The following MED12L variants were observed in gnomAD, a reference collection of about 807,000 sequenced individuals.
MED12L encodes mediator complex subunit 12L, also known as mediator of RNA polymerase II transcription subunit 12-like protein.
Under a neutral mutation model 281.3 loss-of-function variants are expected in MED12L, and 60 were observed. The observed-to-expected ratio is 0.21, with a 90% CI of 0.17 to 0.26. The LOEUF (loss-of-function observed/expected upper bound fraction) is 0.26, where lower values mean the gene tolerates loss of function less well. Among genes scored for constraint, MED12L ranks in the 10% least tolerant of loss-of-function variants. The pLI, the probability that MED12L is intolerant of heterozygous loss-of-function variation, is 1.00. For synonymous variants in MED12L, 974 were observed against 987.2 expected (o/e 0.99, Z 0.25); for missense variants, 2,146 against 2,680.9 (o/e 0.80, Z 4.41).
At chr3:151,127,681 A>G (rs530068432) in intron 4 of MED12L, 144 bp from the exon 5 acceptor site, 5 of 575,858 alleles carry the variant, frequency 8.7e-6, no homozygotes, top group Non-Finnish European at 1.5e-5. Context: ...TACATGCACT[A>G]TTTGAAAATC....
intron 16 of MED12L, among the ~76,000 whole-genome samples, chr3:151,292,052 C>A (rs926153491): frequency 6.6e-6 from 1 of 152,070 alleles, no homozygotes; most frequent in South Asian, 2.1e-4. Flanking sequence ...AGAATTGAGG[C>A]CTGAATGAAA....
chr3:151,233,258 C>T (rs755413083), intron 16 of MED12L, among the ~76,000 whole-genome samples: 9 of 152,330 alleles, frequency 5.9e-5, no homozygotes, highest in East Asian at 3.9e-4. Context: ...CCTTGAGCTA[C>T]GCTGTCTTGT....
intron 16 of MED12L, among the ~76,000 whole-genome samples, chr3:151,267,639 A>G (rs1577181400): frequency 6.6e-6 from 1 of 152,212 alleles, no homozygotes; most frequent in Non-Finnish European, 1.5e-5. Context: ...TTCAGGCTAT[A>G]GAAAATGTCT....
At chr3:151,419,040 T>C (rs1717951065) in intron 43 of MED12L, among the ~76,000 whole-genome samples, 1 of 152,242 alleles carries the variant, frequency 6.6e-6, no homozygotes. Flanking sequence ...TGTATTCCAC[T>C]TCTACTCTTT....
intron 3 of MED12L, among the ~76,000 whole-genome samples, chr3:151,117,134 T>G (rs977749883): frequency 7.9e-5 from 12 of 152,228 alleles, no homozygotes; most frequent in Non-Finnish European, 1.5e-4. Context: ...TTAAAAGAAG[T>G]GCTTTCTTTT....
At chr3:151,314,300 A>G (rs1007419528) in intron 16 of MED12L, among the ~76,000 whole-genome samples, 1 of 152,240 alleles carries the variant, frequency 6.6e-6, no homozygotes, top group Non-Finnish European at 1.5e-5. Context: ...GAGAACAAAT[A>G]TTCTATTCTG....
chr3:151,264,103 T>TA (rs1216181372), intron 16 of MED12L, among the ~76,000 whole-genome samples: 1 of 152,236 alleles, frequency 6.6e-6, no homozygotes, highest in African/African-American at 2.4e-5. Flanking sequence ...AAAAGAATCA[T>TA]AACCATTTTT....
At position 151,163,933 on chromosome 3, in the gene MED12L, A is replaced by T; in HGVS notation, c.1148A>T (p.Tyr383Phe). 1 of 1,613,766 alleles carries T rather than the reference A, an allele frequency of 6.2e-7. No homozygotes were observed. Among genetic ancestry groups the T allele is most frequent in the Non-Finnish European group, 8.5e-7 (1 of 1,179,822 alleles). ...LCCPSALVWN[Y>F]STNENKSANP... ...TGCCCAAGTGCCTTGGTGTGGAATTATTCCACAAATGAAAATAAGAGCGCA... is the reference window on the plus strand; with the variant it reads ...TGCCCAAGTGCCTTGGTGTGGAATTTTTCCACAAATGAAAATAAGAGCGCA... The change falls in exon 9 of 45, where the codon TAT (tyrosine) becomes TTT (phenylalanine). Residue 383 changes from tyrosine (Y) to phenylalanine (F), a missense_variant. Coordinates refer to ENST00000687756, the MANE Select transcript of MED12L (RefSeq NM_001393769.1).
In MED12L at chr3:151,214,598, T is replaced by TC. The variant is rs537888044; in HGVS notation, c.2250+20937dup. ...CCACTCCTTTCTTCCTTCTCCCCTC[T>TC]CCCCCTCCCTTTTCCCTCCTCTTCC... On this transcript the variant is annotated intron_variant, in intron 16 of 44. Transcript: ENST00000687756. Among the ~76,000 whole-genome samples, 204 of 130,006 alleles carry TC rather than the reference T, an allele frequency of 1.6e-3. 5 individuals carry two copies. The South Asian group carries it at 0.049, about 31-fold the overall frequency. 85.3% of individuals were successfully genotyped at this position (130,006 alleles called of 152,430 possible).
intron 2 of MED12L, among the ~76,000 whole-genome samples, chr3:151,087,481 A>G (rs1427460792): frequency 1.3e-5 from 2 of 152,210 alleles, no homozygotes; most frequent in African/African-American, 2.4e-5. Context: ...AAGCTTTTCA[A>G]ATTTTCCAGT....
chr3:151,287,407 G>T (rs1046495909), intron 16 of MED12L, among the ~76,000 whole-genome samples: 26 of 152,314 alleles, frequency 1.7e-4, no homozygotes, highest in African/African-American at 6.3e-4. Flanking sequence ...ATTTCTGGGG[G>T]TGGAGTGGCA....
At chr3:151,097,237 G>A (rs1720830558) in intron 2 of MED12L, among the ~76,000 whole-genome samples, 1 of 152,184 alleles carries the variant, frequency 6.6e-6, no homozygotes, top group South Asian at 2.1e-4. Context: ...TCCCGGAAGC[G>A]ATATGTACAT....
chr3:151,222,730 A>G (rs542141793), intron 16 of MED12L, among the ~76,000 whole-genome samples: 1 of 152,354 alleles, frequency 6.6e-6, no homozygotes, highest in East Asian at 1.9e-4. Context: ...AAAGCATGAT[A>G]TGCTGCTGGT....
At chr3:151,118,733 G>A (rs916122015) in intron 3 of MED12L, among the ~76,000 whole-genome samples, 12 of 149,750 alleles carry the variant, frequency 8.0e-5, no homozygotes, top group Non-Finnish European at 1.5e-4. Context: ...TTGCTCCGTC[G>A]CCCAGGCTGG....
At chr3:151,118,128 T>G (rs1468155774) in intron 3 of MED12L, among the ~76,000 whole-genome samples, 1 of 151,866 alleles carries the variant, frequency 6.6e-6, no homozygotes, top group Non-Finnish European at 1.5e-5. Flanking sequence ...TAGAATTGTT[T>G]GTGTTTCTAT....
intron 16 of MED12L, among the ~76,000 whole-genome samples, chr3:151,287,867 G>A (rs756614587): frequency 1.6e-4 from 25 of 152,154 alleles, no homozygotes; most frequent in Non-Finnish European, 2.9e-4. Flanking sequence ...AAACTTCAAA[G>A]CAGTCATCTA....
intron 26 of MED12L, among the ~76,000 whole-genome samples, chr3:151,371,712 C>A (rs933082867): frequency 6.6e-5 from 10 of 152,270 alleles, no homozygotes; most frequent in Admixed American, 5.9e-4. Flanking sequence ...CTTGTCAAGG[C>A]CTATGATCCT....
At position 151,350,055 on chromosome 3, in the gene MED12L, T is replaced by G. The variant is rs772875779; in HGVS notation, c.2251-4T>G. 1 of 1,607,162 alleles carries G rather than the reference T, an allele frequency of 6.2e-7. No individual in the cohort carries two copies. The highest frequency in any genetic ancestry group is 1.1e-5 in the South Asian group (1 of 90,422). On this transcript the variant is annotated splice_region_variant and splice_polypyrimidine_tract_variant and intron_variant, in intron 16 of 44. Transcript: ENST00000687756. Reference sequence around the variant, plus strand: ...AGTTTCAGAATGCATTTTCTGTTTTTCAGGATGAATCTTCAAGTCATGAAT... The same window carrying G: ...AGTTTCAGAATGCATTTTCTGTTTTGCAGGATGAATCTTCAAGTCATGAAT...
At chr3:151,129,521 G>A (rs1160445007) in intron 5 of MED12L, among the ~76,000 whole-genome samples, 1 of 151,594 alleles carries the variant, frequency 6.6e-6, no homozygotes, top group African/African-American at 2.4e-5. Context: ...TTATTTGAGG[G>A]AATACAAAAG....
Sources: gnomAD v4.1 joint callset for allele counts (sites outside exome capture counted in the v4.1 genomes callset) on GRCh38, gnomAD v4.1.1 for gene constraint, MANE v1.5 for transcripts, NCBI Gene and HGNC (gene_info 2026-07-23, HGNC 2026-07-21) for gene names.